Variants in SCAPER observed in about 807,000 individuals in gnomAD.
SCAPER encodes S-phase cyclin A associated protein in the ER.
SCAPER carries 98 observed loss-of-function variants against 182.2 expected under a neutral mutation model. The observed-to-expected ratio is 0.54, with a 90% confidence interval of 0.46 to 0.64. SCAPER has a LOEUF of 0.64. Among genes scored for constraint, SCAPER ranks in the 30% least tolerant of loss-of-function variants. The pLI is 0.00. For synonymous variants in SCAPER, 605 were observed against 564.6 expected (o/e 1.07, Z -1.01); for missense variants, 1,432 against 1,690.0 (o/e 0.85, Z 2.68).
intron 30 of SCAPER, among the ~76,000 whole-genome samples, chr15:76,352,572 C>G (rs1347503346): frequency 6.6e-6 from 1 of 151,444 alleles, no homozygotes; most frequent in Admixed American, 6.6e-5. Context: ...ACCTCTGCCT[C>G]CCAGGTTCAA....
intron 25 of SCAPER, among the ~76,000 whole-genome samples, chr15:76,459,033 T>C (rs1484195595): frequency 6.6e-6 from 1 of 152,140 alleles, no homozygotes. Context: ...TAGCTGGGAC[T>C]ACAGGCATGT....
intron 2 of SCAPER, among the ~76,000 whole-genome samples, chr15:76,879,637 G>T (rs2073406228): frequency 6.6e-6 from 1 of 152,114 alleles, no homozygotes; most frequent in Admixed American, 6.5e-5. Context: ...TGATGACACT[G>T]TTGAGCCACT....
chr15:76,890,615 C>T (rs1275740670), intron 1 of SCAPER, among the ~76,000 whole-genome samples: 2 of 152,080 alleles, frequency 1.3e-5, no homozygotes, highest in African/African-American at 4.8e-5. Flanking sequence ...AAGACTAAAC[C>T]AGGAAGAAGC....
intron 29 of SCAPER, among the ~76,000 whole-genome samples, chr15:76,367,450 A>G (rs961952081): frequency 3.3e-5 from 5 of 152,220 alleles, no homozygotes; most frequent in Non-Finnish European, 1.5e-5. Flanking sequence ...AAACTTTGAT[A>G]AAAGATTCCT....
At chr15:76,782,677 CTG>C (rs938245666) in intron 8 of SCAPER, among the ~76,000 whole-genome samples, 1 of 152,192 alleles carries the variant, frequency 6.6e-6, no homozygotes, top group Non-Finnish European at 1.5e-5. Flanking sequence ...TCACAACAAA[CTG>C]TCTCTCAGAC....
Position 76,795,428 on chromosome 15 carries a change from G to A in SCAPER, c.624C>T (p.Gly208=), listed in dbSNP as rs774639140. 1 of 1,596,368 alleles carries A rather than the reference G, an allele frequency of 6.3e-7. No homozygotes were observed. The highest frequency in any genetic ancestry group is 1.1e-5 in the South Asian group (1 of 87,536). ...RRSLNFGGST[G]TVPAPRLAPT... is the part of the protein sequence containing the mutation. ...GAGCCAGACGAGGAGCTGGCACTGT[G>A]CCAGTTGAACCTCTATGGAGAAAAA... Residue 208 remains glycine, a synonymous_variant, in exon 8 of 32, where the codon GGC becomes GGT. Coordinates refer to ENST00000563290, the MANE Select transcript of SCAPER (RefSeq NM_020843.4).
intron 21 of SCAPER, among the ~76,000 whole-genome samples, chr15:76,645,046 A>C (rs1048181724): frequency 6.6e-6 from 1 of 152,090 alleles, no homozygotes; most frequent in South Asian, 2.1e-4. Context: ...GAAAACATAC[A>C]TATTTTTTCC....
In SCAPER at chr15:76,701,774, A is replaced by G. The variant is rs1309458338; in HGVS notation, c.2492T>C (p.Leu831Pro). ...AAAGTTTACCACTTCTTCATCTGAC[A>G]GTTCACGCCCCTGGATGCTGGTATT... ...RENTSIQGRE[L>P]SDEEVEHLSL... The change falls in exon 20 of 32, where the codon CTG (leucine) becomes CCG (proline). Residue 831 changes from leucine to proline, a missense_variant. Leu to Pro is a moderately conservative substitution (Grantham distance 98). Around this residue, in one of 5 missense-constraint regions of SCAPER, gnomAD observed 718 missense variants for 799.7 expected, o/e 0.90. Coordinates refer to ENST00000563290, the MANE Select transcript of SCAPER (RefSeq NM_020843.4). 4 of 1,613,722 alleles carry G rather than the reference A, an allele frequency of 2.5e-6. No individual in the cohort carries two copies. In the East Asian group the frequency reaches 6.7e-5, roughly 27 times the overall value.
At position 76,873,898 on chromosome 15, in the gene SCAPER, C is replaced by CT. The variant is rs559728517; in HGVS notation, c.6+9913dup. 2.0e-3 allele frequency among the ~76,000 whole-genome samples: 292 copies of CT among 144,416 alleles called. 1 individual carries two copies. Among genetic ancestry groups the CT allele is most frequent in the South Asian group, 9.2e-3 (42 of 4,572 alleles). 94.7% of individuals were successfully genotyped at this position (144,416 alleles called of 152,430 possible). The stretch of plus-strand genomic sequence containing the variant: ...TAAGCAATACATTTCTTTTCTTCTT[C>CT]TTTTTTTTTTTTTGAGATGGAATCT... On this transcript the variant is annotated intron_variant, in intron 2 of 31. Coordinates refer to ENST00000563290, the MANE Select transcript of SCAPER (RefSeq NM_020843.4).
At position 76,506,799 on chromosome 15, in the gene SCAPER, G is replaced by T. The variant is rs562450793; in HGVS notation, c.2839-1825C>A. 4.6e-5 allele frequency among the ~76,000 whole-genome samples: 7 copies of T among 152,124 alleles called. No individual in the cohort carries two copies. In the South Asian group the frequency reaches 1.5e-3, roughly 32 times the overall value. The stretch of plus-strand genomic sequence containing the variant: ...AATCTAATATCTAATCATTTTAGCT[G>T]TATCCTTTTTAAAAAATACCATTTC... On this transcript the variant is annotated intron_variant, in intron 23 of 31. Coordinates refer to ENST00000563290, the MANE Select transcript of SCAPER (RefSeq NM_020843.4).
At chr15:76,763,845 G>A (rs1338856693) in intron 14 of SCAPER, among the ~76,000 whole-genome samples, 1 of 151,992 alleles carries the variant, frequency 6.6e-6, no homozygotes, top group African/African-American at 2.4e-5. Flanking sequence ...TTCTCATTTT[G>A]TTTTTATGTT....
chr15:76,412,685 CTTA>C (rs1215541908), intron 26 of SCAPER, among the ~76,000 whole-genome samples: 6 of 152,090 alleles, frequency 3.9e-5, no homozygotes, highest in Non-Finnish European at 8.8e-5. Flanking sequence ...AGTCCTCTGA[CTTA>C]TTATTCTTTT....
chr15:76,808,516 G>T (rs1333013695), intron 5 of SCAPER, among the ~76,000 whole-genome samples: 3 of 152,154 alleles, frequency 2.0e-5, no homozygotes, highest in African/African-American at 7.2e-5. Context: ...TTTTAAACAG[G>T]TAGGGCTCCA....
At chr15:76,395,877 G>C (rs931138450) in intron 27 of SCAPER, among the ~76,000 whole-genome samples, 5 of 151,986 alleles carry the variant, frequency 3.3e-5, no homozygotes, top group African/African-American at 1.2e-4. Context: ...TTTTTGCTTC[G>C]GTTGCCTGTG....
chr15:76,450,161 C>T (rs188904047), intron 25 of SCAPER, among the ~76,000 whole-genome samples: 15 of 152,332 alleles, frequency 9.8e-5, no homozygotes, highest in Admixed American at 3.3e-4. Flanking sequence ...CATATTGTCT[C>T]TGTATTCCTT....
At chr15:76,383,714 C>G (rs1201477996) in intron 27 of SCAPER, among the ~76,000 whole-genome samples, 1 of 152,188 alleles carries the variant, frequency 6.6e-6, no homozygotes, top group Non-Finnish European at 1.5e-5. Flanking sequence ...GTGGCAAAAG[C>G]AGGGATATCA....
intron 27 of SCAPER, among the ~76,000 whole-genome samples, chr15:76,393,356 T>C (rs2043836535): frequency 6.6e-6 from 1 of 152,242 alleles, no homozygotes; most frequent in Non-Finnish European, 1.5e-5. Context: ...TTACTTCTTT[T>C]AGTTCCACTT....
chr15:76,648,781 T>A lies in SCAPER; in HGVS notation c.2645+16872A>T, dbSNP rs1215086293. Reference sequence around the variant, plus strand: ...CAAGCTGGAAGCTTGCATAGGTAAATGCTGAAAGCTGTGCCAATAGGGAAA... The same window carrying A: ...CAAGCTGGAAGCTTGCATAGGTAAAAGCTGAAAGCTGTGCCAATAGGGAAA... On this transcript the variant is annotated intron_variant, in intron 21 of 31. Transcript: ENST00000563290. Among the ~76,000 whole-genome samples the A allele has an allele frequency of 3.9e-5, 6 of 152,326 alleles. No homozygotes were observed. The East Asian group carries it at 9.6e-4, about 24-fold the overall frequency.
chr15:76,840,160 A>G (rs1204314329), intron 5 of SCAPER, among the ~76,000 whole-genome samples: 1 of 152,142 alleles, frequency 6.6e-6, no homozygotes, highest in Non-Finnish European at 1.5e-5. Flanking sequence ...GCTCATACCT[A>G]TAATCCCACC....
Sources: allele counts gnomAD v4.1 joint callset (sites outside exome capture counted in the v4.1 genomes callset), GRCh38; gene constraint gnomAD v4.1.1; regional missense constraint gnomAD v4.1.1; transcripts MANE v1.5; gene names NCBI Gene and HGNC (gene_info 2026-07-23, HGNC 2026-07-21).